Variants in MIS18BP1 observed in about 807,000 individuals in gnomAD.
The protein encoded by MIS18BP1 is mis18-binding protein 1.
In MIS18BP1, 72 loss-of-function variants were observed where a neutral mutation model predicts 116.1. That is an observed-to-expected ratio of 0.62 (90% CI 0.51 to 0.75). MIS18BP1 has a LOEUF of 0.75. MIS18BP1 is among the 30% of genes least tolerant of loss of function. The pLI is 0.00. For missense variants in MIS18BP1, 1,363 were observed against 1,303.2 expected (o/e 1.05, Z -0.71); for synonymous variants, 386 against 427.0 (o/e 0.90, Z 1.18).
At chr14:45,246,359 G>A (rs1041857026) in intron 2 of MIS18BP1, among the ~76,000 whole-genome samples, 10 of 152,118 alleles carry the variant, frequency 6.6e-5, no homozygotes, top group South Asian at 4.1e-4. Flanking sequence ...ATTTCAAGGC[G>A]TTTATAACAG....
intron 11 of MIS18BP1, among the ~76,000 whole-genome samples, chr14:45,222,772 G>A (rs775873170): frequency 3.3e-5 from 5 of 152,030 alleles, no homozygotes; most frequent in Non-Finnish European, 5.9e-5. Context: ...CTCTCTTTCC[G>A]CGATTTCTGG....
At chr14:45,246,184 C>T (rs1358226344) in intron 2 of MIS18BP1, among the ~76,000 whole-genome samples, 1 of 152,184 alleles carries the variant, frequency 6.6e-6, no homozygotes, top group Admixed American at 6.5e-5. Flanking sequence ...TCAAAACCCT[C>T]CGATGGCTTA....
intron 4 of MIS18BP1, 71 bp from the exon 5 acceptor site, chr14:45,237,792 C>T: frequency 6.6e-6 from 10 of 1,506,494 alleles, no homozygotes; most frequent in Non-Finnish European, 8.8e-6. Context: ...AATTAACTTA[C>T]ATTAAAAGAA....
chr14:45,216,653 A>G (rs1287331641), intron 13 of MIS18BP1, among the ~76,000 whole-genome samples: 2 of 152,182 alleles, frequency 1.3e-5, no homozygotes. Context: ...CATACATTCA[A>G]ATCTTTTAAT....
chr14:45,231,096 A>G, intron 8 of MIS18BP1, 45 bp downstream of exon 8: 1 of 1,583,294 alleles, frequency 6.3e-7, no homozygotes, highest in East Asian at 2.2e-5. Flanking sequence ...AGACCATGTA[A>G]GAACTTAACC....
intron 4 of MIS18BP1, 94 bp from the exon 5 acceptor site, chr14:45,237,815 A>G (rs1891468908): frequency 5.5e-6 from 8 of 1,459,846 alleles, no homozygotes; most frequent in Non-Finnish European, 6.3e-6. Context: ...AACTTGTCTA[A>G]GTAATCCAAA....
At chr14:45,250,168 G>A (rs1281317639) in intron 1 of MIS18BP1, 1 of 152,138 alleles carries the variant, frequency 6.6e-6, no homozygotes, top group Admixed American at 6.5e-5. Flanking sequence ...GGATAAAGGT[G>A]ATTAGCCAAG....
chr14:45,236,068 G>A lies in MIS18BP1; in HGVS notation c.1218-124C>T, dbSNP rs1891422275. On this transcript the variant is annotated intron_variant, in intron 5 of 16. Transcript: ENST00000310806. ...TTATTAGTCTAATTACAAAATATTT[G>A]AAGGCCAAACATTACAGCAGAACTC... 41 of 897,868 alleles carry A rather than the reference G, an allele frequency of 4.6e-5. 1 individual carries two copies. In the South Asian group the frequency reaches 6.7e-4, roughly 15 times the overall value. The allele number at this position is 897,868 out of a possible 1,614,324, so 55.6% of individuals were successfully genotyped here. A position where few individuals can be genotyped will look rare whatever the true frequency, so the allele number is the denominator to read the frequency against.
chr14:45,221,165 G>A (rs571807069), intron 11 of MIS18BP1, among the ~76,000 whole-genome samples: 22 of 151,520 alleles, frequency 1.5e-4, no homozygotes, highest in African/African-American at 4.1e-4. Flanking sequence ...GAAGCCGGGC[G>A]CGGTGGCTCA....
chr14:45,228,500 T>C (rs1891187417), intron 8 of MIS18BP1, among the ~76,000 whole-genome samples: 1 of 152,244 alleles, frequency 6.6e-6, no homozygotes, highest in Non-Finnish European at 1.5e-5. Flanking sequence ...TGTAGAATTA[T>C]GTTTCAACTA....
rs1891601994 is a variant in MIS18BP1 at position 45,242,335 on chromosome 14, T to C, written c.842A>G (p.Gln281Arg). 2 of 1,614,092 alleles carry C rather than the reference T, an allele frequency of 1.2e-6. No individual in the cohort carries two copies. The highest frequency in any genetic ancestry group is 2.2e-5 in the South Asian group (2 of 91,070). The change falls in exon 4 of 17, where the codon CAA becomes CGA. Residue 281 changes from glutamine to arginine, a missense_variant. Physicochemically the swap from Gln to Arg is conservative, Grantham distance 43. Transcript: ENST00000310806. ...ESVDSADEQF[Q>R]NTNAETLSTN... ...ACTGAGAGTCTCAGCATTAGTATTT[T>C]GAAATTGTTCATCAGCAGAATCAAC...
rs751953276 is a variant in MIS18BP1 at position 45,204,231 on chromosome 14, T to C, written c.3296-19A>G. On this transcript the variant is annotated intron_variant, in intron 16 of 16. Coordinates refer to ENST00000310806, the MANE Select transcript of MIS18BP1 (RefSeq NM_018353.5). ...CCTAAGTCTGTAAAGAGAAGTTTAA[T>C]AAAAAGATAATAAATTTCTAAAAGT... 1 of 1,574,124 alleles carries C rather than the reference T, an allele frequency of 6.4e-7. No individual in the cohort carries two copies. Among genetic ancestry groups the C allele is most frequent in the Non-Finnish European group, 8.6e-7 (1 of 1,165,404 alleles).
At chr14:45,237,858 T>C (rs745817670) in intron 4 of MIS18BP1, 137 bp from the exon 5 acceptor site, 93 of 1,249,410 alleles carry the variant, frequency 7.4e-5, no homozygotes, top group South Asian at 1.5e-4. Flanking sequence ...AAGATTCACA[T>C]TCTATTCTAA....
At position 45,246,998 on chromosome 14, in the gene MIS18BP1, G is replaced by C. The variant is rs1891739374; in HGVS notation, c.289C>G (p.Pro97Ala). 2 of 1,612,580 alleles carry C rather than the reference G, an allele frequency of 1.2e-6. No homozygotes were observed. The highest frequency in any genetic ancestry group is 1.3e-5 in the African/African-American group (1 of 74,778). Residue 97 changes from proline to alanine, a missense_variant, in exon 2 of 17, where the codon CCC becomes GCC. Pro to Ala is a conservative substitution (Grantham distance 27). Coordinates refer to ENST00000310806, the MANE Select transcript of MIS18BP1 (RefSeq NM_018353.5). Reference protein sequence around the residue: ...NSSLDISAIKPNKDGLKNKAN... With the variant: ...NSSLDISAIKANKDGLKNKAN... ...TTATTTTTTAATCCATCCTTGTTGG[G>C]CTTTATAGCACTGATATCAAGAGAA...
chr14:45,211,243 A>C (rs989531845), intron 13 of MIS18BP1, among the ~76,000 whole-genome samples: 1 of 152,282 alleles, frequency 6.6e-6, no homozygotes, highest in African/African-American at 2.4e-5. Context: ...TTTCCTTAGA[A>C]GCTTCAGGGG....
intron 5 of MIS18BP1, among the ~76,000 whole-genome samples, chr14:45,236,773 A>G (rs1425746251): frequency 6.6e-6 from 1 of 152,184 alleles, no homozygotes; most frequent in Non-Finnish European, 1.5e-5. Context: ...ACAACTAACT[A>G]GGTAAGTAAT....
chr14:45,206,155 TTTA>T lies in MIS18BP1; in HGVS notation c.3165_3167del (p.Asp1055_Lys1056delinsGlu). ...GATATTTTTGCATACGAAAAACATA[TTTA>T]TCACAGTCATTCCTGTTTGAATACG... On this transcript the variant is annotated inframe_deletion, in exon 15 of 17. Coordinates refer to ENST00000310806, the MANE Select transcript of MIS18BP1 (RefSeq NM_018353.5). 6.2e-7 allele frequency: 1 copy of T among 1,602,806 alleles called. No homozygotes were observed. Among genetic ancestry groups the T allele is most frequent in the Non-Finnish European group, 8.5e-7 (1 of 1,171,042 alleles).
rs574854005 is a variant in MIS18BP1, at chr14:45,253,089, G to C, written c.-146C>G. 1.3e-5 allele frequency: 2 copies of C among 152,376 alleles called. No individual in the cohort carries two copies. The highest frequency in any genetic ancestry group is 4.8e-5 in the African/African-American group (2 of 41,468). 9.4% of individuals were successfully genotyped at this position (152,376 alleles called of 1,614,324 possible). ...TGCCGCAGTTCCGGCTCGGCTCCGC[G>C]CGGAGAGAGGGCCGCACGCCGCCGG... On this transcript the variant is annotated 5_prime_UTR_variant, in exon 1 of 17. Transcript: ENST00000310806.
chr14:45,237,641 T>C lies in MIS18BP1; in HGVS notation c.1217+7A>G. The C allele has an allele frequency of 1.9e-6, 3 of 1,591,306 alleles. No individual in the cohort carries two copies. The highest frequency in any genetic ancestry group is 2.6e-6 in the Non-Finnish European group (3 of 1,172,914). On this transcript the variant is annotated splice_region_variant and intron_variant, in intron 5 of 16. Coordinates refer to ENST00000310806, the MANE Select transcript of MIS18BP1 (RefSeq NM_018353.5). ...TTATTAAAAGAATAATGAAATAGTATACTTACATCAATTTTCCTTCTACAC... is the reference window on the plus strand; with the variant it reads ...TTATTAAAAGAATAATGAAATAGTACACTTACATCAATTTTCCTTCTACAC...
Sources: allele counts gnomAD v4.1 joint callset (sites outside exome capture counted in the v4.1 genomes callset), GRCh38; gene constraint gnomAD v4.1.1; transcripts MANE v1.5; gene names NCBI Gene and HGNC (gene_info 2026-07-23, HGNC 2026-07-21).